FAM174B: variants seen among roughly 807,000 people sequenced by gnomAD.
FAM174B encodes family with sequence similarity 174 member B.
In FAM174B, 12 loss-of-function variants were observed where a neutral mutation model predicts 10.9. The ratio of observed to expected loss-of-function variants is 1.10; its 90% CI spans 0.71 to 1.79. FAM174B has a LOEUF of 1.79. Ranked by LOEUF, FAM174B falls within the 40% of genes most tolerant of loss-of-function variation. FAM174B has a pLI of 0.00. For missense variants in FAM174B, 266 were observed against 233.3 expected, an observed-to-expected ratio of 1.14 and a Z score of -0.91; for synonymous variants, 132 against 115.8, an observed-to-expected ratio of 1.14 and a Z score of -0.90.
chr15:92,644,798 A>C (rs1240740065), intron 1 of FAM174B, among the ~76,000 whole-genome samples: 1 of 152,178 alleles, frequency 6.6e-6, no homozygotes, highest in Admixed American at 6.5e-5. Flanking sequence ...AAATAGCGGC[A>C]CCCTGCCCAG....
chr15:92,622,612 G>A (rs928669972), intron 2 of FAM174B, among the ~76,000 whole-genome samples: 2 of 152,268 alleles, frequency 1.3e-5, no homozygotes, highest in African/African-American at 4.8e-5. Flanking sequence ...AGGGGCTTGG[G>A]GGGCAGAGGC....
Position 92,630,585 on chromosome 15 carries a change from C to T in FAM174B, c.345-240G>A, listed in dbSNP as rs2050786349. 2.0e-5 allele frequency among the ~76,000 whole-genome samples: 3 copies of T among 151,712 alleles called. No individual in the cohort carries two copies. In the South Asian group the frequency reaches 6.2e-4, roughly 31 times the overall value. ...TGCTGCCCCACTTATGGTCATGGGA[C>T]CTCAAGTGAGTGACCGACCTCGCTA... is the stretch of plus-strand genomic sequence containing the variant. On this transcript the variant is annotated intron_variant, in intron 1 of 2. Transcript: ENST00000327355.
intron 1 of FAM174B, among the ~76,000 whole-genome samples, chr15:92,631,312 A>AT (rs2050806881): frequency 4.0e-4 from 1 of 2,486 alleles, no homozygotes; most frequent in African/African-American, 9.0e-4. Flanking sequence ...AATATATTAT[A>AT]TATAATATTA....
At chr15:92,642,489 G>C (rs1018586578) in intron 1 of FAM174B, among the ~76,000 whole-genome samples, 5 of 152,348 alleles carry the variant, frequency 3.3e-5, no homozygotes, top group African/African-American at 1.2e-4. Flanking sequence ...CATGTGTTGT[G>C]AGAGGGACCT....
rs145628554 is a variant in FAM174B, at chr15:92,629,340, C to T, written c.476+874G>A. 4.8e-3 allele frequency among the ~76,000 whole-genome samples: 733 copies of T among 152,334 alleles called. 10 individuals carry two copies. Among genetic ancestry groups the T allele is most frequent in the African/African-American group, 0.016 (681 of 41,572 alleles). On this transcript the variant is annotated intron_variant, in intron 2 of 2. Coordinates refer to ENST00000327355, the MANE Select transcript of FAM174B (RefSeq NM_207446.3). ...CACCTCAAAATGATCTGAAAACCCA[C>T]ACTACAATCCTAAAGTCACAAAGTC...
At chr15:92,620,498 A>T (rs1228175918) in intron 2 of FAM174B, among the ~76,000 whole-genome samples, 11 of 151,874 alleles carry the variant, frequency 7.2e-5, no homozygotes, top group Admixed American at 7.2e-4. Context: ...ACTCCGTCTC[A>T]AAAAAATAAG....
intron 2 of FAM174B, among the ~76,000 whole-genome samples, chr15:92,623,703 G>A (rs1312914076): frequency 1.3e-5 from 2 of 152,212 alleles, no homozygotes; most frequent in Non-Finnish European, 2.9e-5. Flanking sequence ...TCTGGGAAGA[G>A]GACGCAGTGG....
chr15:92,654,314 G>A (rs2050986376), intron 1 of FAM174B, among the ~76,000 whole-genome samples: 1 of 152,180 alleles, frequency 6.6e-6, no homozygotes, highest in African/African-American at 2.4e-5. Context: ...AAAGCACTGT[G>A]TGTACGCTTG....
Position 92,618,854 on chromosome 15 carries a change from A to AT in FAM174B, c.*601_*602insA. 4.9e-6 allele frequency: 1 copy of AT among 206,110 alleles called. No homozygotes were observed. The highest frequency in any genetic ancestry group is 9.7e-6 in the Non-Finnish European group (1 of 103,074). 12.8% of individuals were successfully genotyped at this position (206,110 alleles called of 1,614,324 possible). On this transcript the variant is annotated 3_prime_UTR_variant, in exon 3 of 3. Transcript: ENST00000327355. ...TTTTTTTTTTTTAAAAAAAAAAAAA[A>AT]AGGAAGAAAGAAAAGGAGCCACAGA...
At chr15:92,620,814 C>CAAAAAAAAAAAAAAAAAAAAAAAAAAAA in intron 2 of FAM174B, among the ~76,000 whole-genome samples, 1 of 71,390 alleles carries the variant, frequency 1.4e-5, no homozygotes, top group Non-Finnish European at 2.4e-5. Context: ...GACTCTGTCT[C>CAAAAAAAAAAAAAAAAAAAAAAAAAAAA]AAAAAAAAAA....
intron 1 of FAM174B, among the ~76,000 whole-genome samples, chr15:92,652,721 G>C (rs1030031884): frequency 5.9e-5 from 9 of 152,212 alleles, no homozygotes; most frequent in Non-Finnish European, 1.2e-4. Context: ...ACTGGGGAAG[G>C]TGGTGTGGGC....
At chr15:92,654,878 G>C (rs1365975526) in intron 1 of FAM174B, among the ~76,000 whole-genome samples, 2 of 151,974 alleles carry the variant, frequency 1.3e-5, no homozygotes. Context: ...GGAGTAGCGA[G>C]ATTAAAGTTA....
At chr15:92,619,584 A>C in intron 2 of FAM174B, 125 bp from the exon 3 acceptor site, 4 of 1,103,358 alleles carry the variant, frequency 3.6e-6, no homozygotes, top group Non-Finnish European at 5.2e-6. Flanking sequence ...CCCCAGCCAC[A>C]GGACCTTTGA....
intron 2 of FAM174B, among the ~76,000 whole-genome samples, chr15:92,620,436 C>A (rs1426192725): frequency 3.3e-5 from 5 of 152,188 alleles, no homozygotes; most frequent in Middle Eastern, 3.4e-3. Context: ...AGGCAGAGCT[C>A]GCAGTGAGCA....
At chr15:92,624,683 A>C (rs2050741543) in intron 2 of FAM174B, among the ~76,000 whole-genome samples, 1 of 152,232 alleles carries the variant, frequency 6.6e-6, no homozygotes, top group Admixed American at 6.5e-5. Flanking sequence ...TACCCACAAG[A>C]GGGTGGGAAG....
intron 1 of FAM174B, among the ~76,000 whole-genome samples, chr15:92,646,899 T>A (rs1218601781): frequency 6.6e-6 from 1 of 152,252 alleles, no homozygotes; most frequent in Non-Finnish European, 1.5e-5. Context: ...ATGTATTTGA[T>A]ATCTCATGTC....
rs1830654396 is a variant in FAM174B, at chr15:92,630,340, C to G, written c.350G>C (p.Gly117Ala). The change falls in exon 2 of 3, where the codon GGA becomes GCA. Residue 117 changes from glycine (G) to alanine (A), a missense_variant. By Grantham distance (60) the Gly-to-Ala change is moderately conservative (BLOSUM62 0). Coordinates refer to ENST00000327355, the MANE Select transcript of FAM174B (RefSeq NM_207446.3). ...ACLLLRVFRS[G>A]KRLKKTRKYD... ...CTTGCGTGTCTTCTTTAACCTCTTTCCCGACCTGCAGGAGAAGAAGCACAT... is the reference window on the plus strand; with the variant it reads ...CTTGCGTGTCTTCTTTAACCTCTTTGCCGACCTGCAGGAGAAGAAGCACAT... 6.2e-7 allele frequency: 1 copy of G among 1,611,108 alleles called. No homozygotes were observed. Among genetic ancestry groups the G allele is most frequent in the African/African-American group, 1.3e-5 (1 of 74,826 alleles).
chr15:92,625,415 C>T (rs191934755), intron 2 of FAM174B, among the ~76,000 whole-genome samples: 4 of 152,290 alleles, frequency 2.6e-5, no homozygotes, highest in African/African-American at 9.6e-5. Flanking sequence ...CATGATTCAT[C>T]TGATTTAAAT....
Position 92,631,299 on chromosome 15 carries a change from TATAATATATTA to T in FAM174B, c.345-965_345-955del, listed in dbSNP as rs2050805983. Among the ~76,000 whole-genome samples, 7 of 6,734 alleles carry T rather than the reference TATAATATATTA, an allele frequency of 1.0e-3. 2 individuals carry two copies. In the East Asian group the frequency reaches 0.033, roughly 31 times the overall value. 4.4% of individuals were successfully genotyped at this position (6,734 alleles called of 152,430 possible). A position where few individuals can be genotyped will look rare whatever the true frequency, so the allele number is the denominator to read the frequency against. Reference sequence around the variant, plus strand: ...TATATATAATATATTATATATTATATATAATATATTATATATAATATTATATATAATATATT... The same window carrying T: ...TATATATAATATATTATATATTATATTATATAATATTATATATAATATATT... On this transcript the variant is annotated intron_variant, in intron 1 of 2. Transcript: ENST00000327355.
Sources: allele counts gnomAD v4.1 joint callset (sites outside exome capture counted in the v4.1 genomes callset), GRCh38; gene constraint gnomAD v4.1.1; transcripts MANE v1.5; gene names NCBI Gene and HGNC (gene_info 2026-07-23, HGNC 2026-07-21).